Variants in SCMH1 observed in about 807,000 individuals in gnomAD.
The protein encoded by SCMH1 is Scm polycomb group protein homolog 1.
In SCMH1, 37 loss-of-function variants were observed where a neutral mutation model predicts 70.8. The observed-to-expected ratio is 0.52, with a 90% CI of 0.40 to 0.69. SCMH1 has a LOEUF of 0.69. Ranked by LOEUF, SCMH1 falls within the 30% of genes least tolerant of loss-of-function variation. The pLI is 0.00. For missense variants in SCMH1, 607 were observed against 827.3 expected, an observed-to-expected ratio of 0.73 and a Z score of 3.27; for synonymous variants, 292 against 307.4, an observed-to-expected ratio of 0.95 and a Z score of 0.52.
In SCMH1 at chr1:41,160,621, C is replaced by T. The variant is rs533147990; in HGVS notation, c.106+254G>A. Among the ~76,000 whole-genome samples the T allele has an allele frequency of 2.6e-5, 4 of 152,222 alleles. No individual in the cohort carries two copies. In the East Asian group the frequency reaches 7.7e-4, roughly 29 times the overall value. On this transcript the variant is annotated intron_variant, in intron 4 of 14. Coordinates refer to ENST00000337495, the Ensembl canonical transcript of SCMH1. Reference sequence around the variant, plus strand: ...CAGTTTGGTTCAGTTCCTGTTCTCCCCTATACCCCATGTAATTAACCACCT... The same window carrying T: ...CAGTTTGGTTCAGTTCCTGTTCTCCTCTATACCCCATGTAATTAACCACCT...
chr1:41,130,299 G>T (rs976723868), intron 6 of SCMH1, among the ~76,000 whole-genome samples: 1 of 152,078 alleles, frequency 6.6e-6, no homozygotes, highest in Non-Finnish European at 1.5e-5. Flanking sequence ...TCAGATATAT[G>T]TTTTGTGAAT....
At chr1:41,223,684 TC>T (rs1316029707) in intron 1 of SCMH1, among the ~76,000 whole-genome samples, 1 of 152,124 alleles carries the variant, frequency 6.6e-6, no homozygotes, top group East Asian at 1.9e-4. Context: ...CAAGCTAATT[TC>T]CAGCGCCATC....
chr1:41,100,589 G>A (rs1435937767), intron 8 of SCMH1, among the ~76,000 whole-genome samples: 5 of 142,984 alleles, frequency 3.5e-5, no homozygotes, highest in East Asian at 2.0e-4. Context: ...TTTTTGAGAC[G>A]GAGTCTCACT....
chr1:41,033,817 A>G (rs376330456), intron 13 of SCMH1, among the ~76,000 whole-genome samples, 166 bp downstream of exon 14: 3 of 152,330 alleles, frequency 2.0e-5, no homozygotes, highest in East Asian at 1.9e-4. Flanking sequence ...GATTTATACA[A>G]TGACCTGGCA....
intron 1 of SCMH1, among the ~76,000 whole-genome samples, chr1:41,216,410 T>C (rs937475359): frequency 1.3e-5 from 2 of 152,204 alleles, no homozygotes; most frequent in Non-Finnish European, 2.9e-5. Flanking sequence ...ATGGGTCAGC[T>C]GCCTATCTAA....
rs530099209 is a variant in SCMH1 at position 41,203,981 on chromosome 1, C to T, written c.-117-17731G>A. Among the ~76,000 whole-genome samples, 125 of 152,254 alleles carry T rather than the reference C, an allele frequency of 8.2e-4. 1 individual carries two copies. The Middle Eastern group carries it at 0.017, about 21-fold the overall frequency. Reference sequence around the variant, plus strand: ...TGTGTGTCTTTAATTCCTCTAGCGCCGCTGGGTTAGGGTCTCCCCGACCGA... The same window carrying T: ...TGTGTGTCTTTAATTCCTCTAGCGCTGCTGGGTTAGGGTCTCCCCGACCGA... On this transcript the variant is annotated intron_variant, in intron 1 of 14. Transcript: ENST00000337495.
At chr1:41,200,516 T>TAAGA (rs967203847) in intron 1 of SCMH1, among the ~76,000 whole-genome samples, 1 of 145,918 alleles carries the variant, frequency 6.9e-6, no homozygotes, top group African/African-American at 2.5e-5. Context: ...ATAATAATAA[T>TAAGA]ATAATAATAA....
intron 5 of SCMH1, among the ~76,000 whole-genome samples, chr1:41,144,391 G>T (rs1006215606): frequency 7.2e-5 from 11 of 152,106 alleles, no homozygotes; most frequent in Non-Finnish European, 1.5e-4. Flanking sequence ...CTTTCATTTA[G>T]CAAAATGGAT....
At chr1:41,054,073 T>G (rs1046006218) in intron 10 of SCMH1, among the ~76,000 whole-genome samples, 13 of 152,246 alleles carry the variant, frequency 8.5e-5, no homozygotes, top group Middle Eastern at 3.4e-3. Flanking sequence ...CTCGATCTCC[T>G]GACCTCATGA....
chr1:41,086,746 C>T (rs1278418648), intron 8 of SCMH1, among the ~76,000 whole-genome samples: 1 of 152,018 alleles, frequency 6.6e-6, no homozygotes, highest in East Asian at 1.9e-4. Flanking sequence ...CTCTAAACAA[C>T]AGCAACAACA....
At chr1:41,169,705 T>C (rs1435755917) in intron 2 of SCMH1, among the ~76,000 whole-genome samples, 2 of 152,198 alleles carry the variant, frequency 1.3e-5, no homozygotes, top group Non-Finnish European at 2.9e-5. Context: ...CAGAAGAGTA[T>C]GTCATAAATC....
intron 1 of SCMH1, among the ~76,000 whole-genome samples, chr1:41,187,151 T>C (rs573195688): frequency 1.3e-5 from 2 of 152,250 alleles, no homozygotes; most frequent in South Asian, 4.1e-4. Context: ...TAATGTTTAT[T>C]TTCCCTTTAA....
chr1:41,234,519 G>C (rs1661954494), intron 1 of SCMH1, among the ~76,000 whole-genome samples: 1 of 125,686 alleles, frequency 8.0e-6, no homozygotes, highest in Non-Finnish European at 1.6e-5. Flanking sequence ...CCAGGCTGGA[G>C]TGCAGTGGCA....
chr1:41,067,460 A>ACAAC (rs1232129839), intron 10 of SCMH1, among the ~76,000 whole-genome samples: 1 of 33,738 alleles, frequency 3.0e-5, no homozygotes, highest in African/African-American at 2.9e-4. Flanking sequence ...AACAACAACA[A>ACAAC]AAAAAAAAAA....
intron 11 of SCMH1, 127 bp from the exon 12 acceptor site, chr1:41,046,725 G>C: frequency 1.4e-6 from 1 of 721,626 alleles, no homozygotes; most frequent in Non-Finnish European, 2.4e-6. Context: ...AGTGCCCCAC[G>C]TTTCCTCCCT....
At chr1:41,080,332 C>T (rs1326690482) in intron 8 of SCMH1, among the ~76,000 whole-genome samples, 1 of 151,986 alleles carries the variant, frequency 6.6e-6, no homozygotes. Context: ...TCTTGCAAAG[C>T]CTCTTTTGAA....
At chr1:41,217,357 C>T (rs1342821714) in intron 1 of SCMH1, among the ~76,000 whole-genome samples, 5 of 152,092 alleles carry the variant, frequency 3.3e-5, no homozygotes, top group Non-Finnish European at 7.3e-5. Flanking sequence ...CTCCTTGGTG[C>T]TTACAGTAAA....
At position 41,153,861 on chromosome 1, in the gene SCMH1, A is replaced by G. The variant is rs149109825; in HGVS notation, c.107-2177T>C. Among the ~76,000 whole-genome samples, 1,343 of 152,338 alleles carry G rather than the reference A, an allele frequency of 8.8e-3. 13 individuals are homozygous for G. The highest frequency in any genetic ancestry group is 0.013 in the Non-Finnish European group (912 of 68,020). ...ATGAAGCCAGACATAATATTCTGCCATATCTCCAAGCACTAAAGTAACCAC... is the reference window on the plus strand; with the variant it reads ...ATGAAGCCAGACATAATATTCTGCCGTATCTCCAAGCACTAAAGTAACCAC... On this transcript the variant is annotated intron_variant, in intron 4 of 14. Coordinates refer to ENST00000337495, the Ensembl canonical transcript of SCMH1.
chr1:41,071,642 G>A (rs1656546992), intron 9 of SCMH1, among the ~76,000 whole-genome samples: 1 of 148,980 alleles, frequency 6.7e-6, no homozygotes, highest in Non-Finnish European at 1.5e-5. Flanking sequence ...GATCTCAGGT[G>A]TTTTTCTAAG....
Sources: allele counts gnomAD v4.1 joint callset (sites outside exome capture counted in the v4.1 genomes callset), GRCh38; gene constraint gnomAD v4.1.1; transcripts MANE v1.5; gene names NCBI Gene and HGNC (gene_info 2026-07-23, HGNC 2026-07-21).